The following GNAL variants were observed in gnomAD, a reference collection of about 807,000 sequenced individuals.
The protein encoded by GNAL is G protein subunit alpha L, also known as guanine nucleotide-binding protein G(olf) subunit alpha.
A neutral mutation model predicts 55.1 loss-of-function variants in GNAL; 18 were observed. That is an observed-to-expected ratio of 0.33 (90% confidence interval 0.23 to 0.48). The LOEUF (loss-of-function observed/expected upper bound fraction) is 0.48. GNAL is among the 20% of genes least tolerant of loss of function. GNAL has a pLI of 0.99. For missense variants in GNAL, 412 were observed against 614.1 expected (o/e 0.67, Z 3.48); for synonymous variants, 253 against 237.0 (o/e 1.07, Z -0.62).
At chr18:11,863,311 C>T (rs2036189703) in intron 6 of GNAL, among the ~76,000 whole-genome samples, 1 of 152,142 alleles carries the variant, frequency 6.6e-6, no homozygotes, top group South Asian at 2.1e-4. Context: ...CCAGTGAACC[C>T]CAAGGAAGTT....
chr18:11,873,334 A>G (rs544365844), intron 10 of GNAL, among the ~76,000 whole-genome samples: 13 of 152,158 alleles, frequency 8.5e-5, no homozygotes, highest in Middle Eastern at 3.2e-3. Context: ...CTCATGGGAG[A>G]GGCATTATAT....
At position 11,752,248 on chromosome 18, in the gene GNAL, G is replaced by A; in HGVS notation, c.377-605G>A. The A allele has an allele frequency of 1.6e-6, 2 of 1,280,220 alleles. No individual in the cohort carries two copies. The highest frequency in any genetic ancestry group is 1.0e-6 in the Non-Finnish European group (1 of 980,640). 79.3% of individuals were successfully genotyped at this position (1,280,220 alleles called of 1,614,324 possible). A position where few individuals can be genotyped will look rare whatever the true frequency, so the allele number is the denominator to read the frequency against. On this transcript the variant is annotated intron_variant, in intron 1 of 11. Coordinates refer to ENST00000334049, the MANE Select transcript of GNAL (RefSeq NM_182978.4). This position sits in a 1 kb window ranked among gnomAD's most constrained non-coding sequence, Gnocchi z 4.5. ...CTTCCTTACAGCCATTTAGTTGGGA[G>A]TTTGCGGTGGGCAGGGGGAGGGAGA... is the stretch of plus-strand genomic sequence containing the variant.
At chr18:11,706,574 C>T (rs2031718519) in intron 1 of GNAL, among the ~76,000 whole-genome samples, 1 of 152,200 alleles carries the variant, frequency 6.6e-6, no homozygotes, top group Admixed American at 6.5e-5. Flanking sequence ...TAGCATTCTA[C>T]TCATCGTAGA....
intron 4 of GNAL, among the ~76,000 whole-genome samples, chr18:11,771,215 TAA>T (rs539820206): frequency 0.065 from 8,315 of 128,572 alleles, 383 homozygotes; most frequent in African/African-American, 0.14. Flanking sequence ...TGAAACTCTG[TAA>T]AAAAAAAAAA....
intron 1 of GNAL, among the ~76,000 whole-genome samples, chr18:11,738,703 C>A (rs1438209004): frequency 6.6e-6 from 1 of 152,170 alleles, no homozygotes. Flanking sequence ...CCTGCCTCGG[C>A]CTCCCAGAGT....
intron 5 of GNAL, among the ~76,000 whole-genome samples, chr18:11,843,973 C>CA (rs371335293): frequency 0.012 from 1,705 of 148,056 alleles, 36 homozygotes; most frequent in African/African-American, 0.041. Flanking sequence ...AACTCCATCT[C>CA]AAAAAAAAAC....
intron 1 of GNAL, among the ~76,000 whole-genome samples, chr18:11,696,011 A>G (rs578232851): frequency 2.0e-5 from 3 of 152,294 alleles, no homozygotes; most frequent in East Asian, 3.9e-4. Flanking sequence ...TTTTTTCCCA[A>G]GTAAATGTCT....
At chr18:11,734,207 G>A (rs548297113) in intron 1 of GNAL, among the ~76,000 whole-genome samples, 117 of 149,576 alleles carry the variant, frequency 7.8e-4, no homozygotes, top group African/African-American at 2.9e-3. Flanking sequence ...GCAGTGGCGC[G>A]ATCTCAGCTC....
intron 4 of GNAL, among the ~76,000 whole-genome samples, chr18:11,789,239 C>A (rs539387462): frequency 1.3e-5 from 2 of 152,118 alleles, no homozygotes; most frequent in Non-Finnish European, 2.9e-5. Flanking sequence ...CCTTAGCTAG[C>A]CTCAGGCAAA....
chr18:11,790,082 G>A (rs2034186295), intron 4 of GNAL, among the ~76,000 whole-genome samples: 2 of 152,206 alleles, frequency 1.3e-5, no homozygotes, highest in Non-Finnish European at 2.9e-5. Context: ...GGGTGCTGTT[G>A]TTCTTAGAAC....
At chr18:11,771,178 A>G (rs1220598495) in intron 4 of GNAL, among the ~76,000 whole-genome samples, 1 of 151,474 alleles carries the variant, frequency 6.6e-6, no homozygotes, top group East Asian at 1.9e-4. Context: ...AAGTCGTGCC[A>G]CTGCTCTCCA....
chr18:11,735,549 G>A (rs538505514), intron 1 of GNAL, among the ~76,000 whole-genome samples: 80 of 152,022 alleles, frequency 5.3e-4, no homozygotes, highest in Middle Eastern at 3.4e-3. Flanking sequence ...CCAGGAGTTC[G>A]AGATCAGCCT....
chr18:11,827,390 A>C (rs1036565518), intron 5 of GNAL, among the ~76,000 whole-genome samples: 7 of 152,148 alleles, frequency 4.6e-5, no homozygotes, highest in African/African-American at 1.7e-4. Flanking sequence ...AGGAGGGTGG[A>C]TCACCTGAGG....
chr18:11,874,849 A>G (rs112468710), intron 10 of GNAL, among the ~76,000 whole-genome samples: 6,675 of 125,580 alleles, frequency 0.053, 523 homozygotes, highest in African/African-American at 0.2. Flanking sequence ...CCCCCACAGC[A>G]GGTGCTGCGC....
At chr18:11,733,205 G>T (rs28647280) in intron 1 of GNAL, among the ~76,000 whole-genome samples, 1 of 152,240 alleles carries the variant, frequency 6.6e-6, no homozygotes. Flanking sequence ...GCGCCCGGGC[G>T]CGGGGAGCCG....
chr18:11,874,654 A>G (rs1172280048), intron 10 of GNAL, among the ~76,000 whole-genome samples: 1 of 143,794 alleles, frequency 7.0e-6, no homozygotes, highest in Non-Finnish European at 1.5e-5. Flanking sequence ...GTCTCAAGAA[A>G]AAAAAAAAGA....
chr18:11,768,980 A>T (rs1270779919), intron 4 of GNAL, among the ~76,000 whole-genome samples: 1 of 110,252 alleles, frequency 9.1e-6, no homozygotes. Flanking sequence ...TATATATATT[A>T]TATATTCTAT....
chr18:11,794,930 C>T (rs1175671862), intron 4 of GNAL, among the ~76,000 whole-genome samples: 5 of 152,128 alleles, frequency 3.3e-5, no homozygotes, highest in Non-Finnish European at 7.3e-5. Flanking sequence ...GCAACCTCTG[C>T]CTCCGAGGTT....
At chr18:11,702,206 A>G (rs886339613) in intron 1 of GNAL, 2 of 152,284 alleles carry the variant, frequency 1.3e-5, no homozygotes, top group Non-Finnish European at 2.9e-5. Context: ...CTGGGAAAAT[A>G]TCAGCCCCTG....
Sources: gnomAD v4.1 joint callset for allele counts (sites outside exome capture counted in the v4.1 genomes callset) on GRCh38, gnomAD v4.1.1 for gene constraint, Gnocchi (gnomAD v3.1) non-coding constraint, MANE v1.5 for transcripts, NCBI Gene and HGNC (gene_info 2026-07-23, HGNC 2026-07-21) for gene names.